LDB2: variants seen among roughly 807,000 people sequenced by gnomAD.
LDB2 encodes LIM domain-binding protein 2.
Under a neutral mutation model 44.3 loss-of-function variants are expected in LDB2, and 12 were observed. That is an observed-to-expected ratio of 0.27 (90% confidence interval 0.17 to 0.44). The LOEUF (loss-of-function observed/expected upper bound fraction) is 0.44. LDB2 is among the 20% of genes least tolerant of loss of function. The pLI, the probability that LDB2 is intolerant of heterozygous loss-of-function variation, is 1.00. For missense variants in LDB2, 344 were observed against 473.5 expected (o/e 0.73, Z 2.54); for synonymous variants, 164 against 174.8 (o/e 0.94, Z 0.49).
At chr4:16,528,614 G>A (rs928908185) in intron 5 of LDB2, among the ~76,000 whole-genome samples, 3 of 152,318 alleles carry the variant, frequency 2.0e-5, no homozygotes, top group Non-Finnish European at 2.9e-5. Context: ...CTGAAGAGGC[G>A]CACACAAGCT....
At chr4:16,751,973 TAAAA>T (rs895085393) in intron 2 of LDB2, among the ~76,000 whole-genome samples, 18 of 152,084 alleles carry the variant, frequency 1.2e-4, no homozygotes, top group African/African-American at 4.3e-4. Context: ...ATCTTTAAAA[TAAAA>T]ATAAAATAAA....
At chr4:16,559,827 C>T (rs1435426475) in intron 5 of LDB2, among the ~76,000 whole-genome samples, 2 of 152,118 alleles carry the variant, frequency 1.3e-5, no homozygotes, top group African/African-American at 2.4e-5. Context: ...TAAAGCTCTC[C>T]TCAGCAAATG....
At chr4:16,614,524 A>T (rs532274816) in intron 2 of LDB2, among the ~76,000 whole-genome samples, 1 of 151,650 alleles carries the variant, frequency 6.6e-6, no homozygotes, top group East Asian at 1.9e-4. Context: ...TATCCCTCTG[A>T]CAAAGGTCTA....
chr4:16,886,948 G>A (rs547448748), intron 1 of LDB2, among the ~76,000 whole-genome samples: 1 of 148,316 alleles, frequency 6.7e-6, no homozygotes, highest in Non-Finnish European at 1.5e-5. Context: ...CAGGAGAATG[G>A]CGTGAACCCA....
At chr4:16,704,210 G>A (rs956943887) in intron 2 of LDB2, among the ~76,000 whole-genome samples, 1 of 152,132 alleles carries the variant, frequency 6.6e-6, no homozygotes, top group African/African-American at 2.4e-5. Context: ...AAAAACCCCT[G>A]TCCCTTTCTA....
chr4:16,721,398 G>A (rs1434228035), intron 2 of LDB2, among the ~76,000 whole-genome samples: 1 of 152,134 alleles, frequency 6.6e-6, no homozygotes, highest in Non-Finnish European at 1.5e-5. Flanking sequence ...TCAGGAAGAA[G>A]TAGCTCTTGG....
At chr4:16,827,791 T>C (rs1783331087) in intron 1 of LDB2, among the ~76,000 whole-genome samples, 2 of 152,076 alleles carry the variant, frequency 1.3e-5, no homozygotes, top group South Asian at 4.2e-4. Context: ...ACAAGGAGGA[T>C]CACAAAGATT....
At chr4:16,814,162 A>T (rs142554827) in intron 1 of LDB2, among the ~76,000 whole-genome samples, 1 of 151,944 alleles carries the variant, frequency 6.6e-6, no homozygotes. Flanking sequence ...GAGCCACCGC[A>T]CCCGGCCAGG....
chr4:16,592,459 T>A (rs1330125423), intron 3 of LDB2, among the ~76,000 whole-genome samples: 1 of 70,078 alleles, frequency 1.4e-5, no homozygotes, highest in Non-Finnish European at 2.6e-5. Context: ...ATATGCATTA[T>A]ACATACATAT....
chr4:16,646,684 G>A (rs1269523481), intron 2 of LDB2, among the ~76,000 whole-genome samples: 1 of 152,136 alleles, frequency 6.6e-6, no homozygotes, highest in Non-Finnish European at 1.5e-5. Flanking sequence ...ATCAATATTT[G>A]TCCTTGTAGG....
intron 1 of LDB2, among the ~76,000 whole-genome samples, chr4:16,872,278 CTG>C (rs1716932964): frequency 6.6e-6 from 1 of 151,810 alleles, no homozygotes; most frequent in Admixed American, 6.6e-5. Context: ...TATCCTGTGA[CTG>C]TATTTTTCTT....
At chr4:16,529,358 A>G (rs1485419701) in intron 5 of LDB2, among the ~76,000 whole-genome samples, 1 of 152,184 alleles carries the variant, frequency 6.6e-6, no homozygotes, top group African/African-American at 2.4e-5. Context: ...GTAGGCAAGC[A>G]GAGAAACAAA....
In LDB2 at chr4:16,862,508, C is replaced by T. The variant is rs569411011; in HGVS notation, c.132+35846G>A. On this transcript the variant is annotated intron_variant, in intron 1 of 7. Transcript: ENST00000304523. Reference sequence around the variant, plus strand: ...ATTAGCTAGGCGTGATAGTGGATACCTGTAATCCTAGCTACTTGGGAGGCT... The same window carrying T: ...ATTAGCTAGGCGTGATAGTGGATACTTGTAATCCTAGCTACTTGGGAGGCT... Among the ~76,000 whole-genome samples the T allele has an allele frequency of 2.6e-5, 4 of 151,920 alleles. No homozygotes were observed. The East Asian group carries it at 5.9e-4, about 22-fold the overall frequency.
intron 1 of LDB2, among the ~76,000 whole-genome samples, chr4:16,818,367 CAA>C (rs1781329012): frequency 6.6e-6 from 1 of 152,152 alleles, no homozygotes; most frequent in Non-Finnish European, 1.5e-5. Flanking sequence ...AGGCAGAACG[CAA>C]AGAGAGGGGA....
chr4:16,828,891 T>C (rs1376395892), intron 1 of LDB2, among the ~76,000 whole-genome samples: 1 of 152,172 alleles, frequency 6.6e-6, no homozygotes, highest in Non-Finnish European at 1.5e-5. Flanking sequence ...CACGGCACCC[T>C]GCAGCAAAGA....
chr4:16,737,580 G>A (rs1344101731), intron 2 of LDB2, among the ~76,000 whole-genome samples: 1 of 152,024 alleles, frequency 6.6e-6, no homozygotes, highest in Non-Finnish European at 1.5e-5. Context: ...ATTAGATGAA[G>A]CTAATTCATA....
In LDB2 at chr4:16,529,799, C is replaced by T. The variant is rs141405622; in HGVS notation, c.616-17695G>A. Among the ~76,000 whole-genome samples the T allele has an allele frequency of 1.1e-3, 173 of 152,232 alleles. 1 individual carries two copies. The highest frequency in any genetic ancestry group is 1.6e-3 in the Non-Finnish European group (110 of 68,008). On this transcript the variant is annotated intron_variant, in intron 5 of 7. Coordinates refer to ENST00000304523, the MANE Select transcript of LDB2 (RefSeq NM_001290.5). The stretch of plus-strand genomic sequence containing the variant: ...GCCCGTAAATTGATGCAATATATTG[C>T]GGCTTCAGCCTCCACTTTTTTTGGT...
intron 5 of LDB2, among the ~76,000 whole-genome samples, chr4:16,579,407 C>A (rs1713341570): frequency 6.6e-6 from 1 of 152,080 alleles, no homozygotes; most frequent in African/African-American, 2.4e-5. Flanking sequence ...AAAAGATAAT[C>A]ATTCATTAAA....
At chr4:16,829,071 C>T (rs1783581877) in intron 1 of LDB2, among the ~76,000 whole-genome samples, 1 of 152,200 alleles carries the variant, frequency 6.6e-6, no homozygotes, top group African/African-American at 2.4e-5. Flanking sequence ...CTCCCCTCCT[C>T]CCTCACTGGA....
Sources: gnomAD v4.1 joint callset for allele counts (sites outside exome capture counted in the v4.1 genomes callset) on GRCh38, gnomAD v4.1.1 for gene constraint, MANE v1.5 for transcripts, NCBI Gene and HGNC (gene_info 2026-07-23, HGNC 2026-07-21) for gene names.